Variants in SLC25A17 observed in about 807,000 individuals in gnomAD.
SLC25A17 encodes the protein solute carrier family 25 member 17, also known as peroxisomal membrane protein PMP34.
SLC25A17 carries 26 observed loss-of-function variants against 38.5 expected under a neutral mutation model. The observed-to-expected ratio is 0.68, with a 90% confidence interval of 0.50 to 0.94. The LOEUF is 0.94. Among genes scored for constraint, SLC25A17 ranks in the 40% least tolerant of loss-of-function variants. The pLI is 0.00. For missense variants in SLC25A17, 333 were observed against 372.7 expected (o/e 0.89, Z 0.88); for synonymous variants, 139 against 136.2 (o/e 1.02, Z -0.14).
At chr22:40,776,353 C>T in intron 7 of SLC25A17, 1 of 460,750 alleles carries the variant, frequency 2.2e-6, no homozygotes, top group Non-Finnish European at 4.5e-6. Flanking sequence ...TTCAAAAAAG[C>T]TAAATCATTC....
chr22:40,796,591 A>G (rs946272638), intron 2 of SLC25A17, among the ~76,000 whole-genome samples: 2 of 151,166 alleles, frequency 1.3e-5, no homozygotes, highest in Non-Finnish European at 2.9e-5. Context: ...CTGCACTCCA[A>G]CCTGGGTAAG....
chr22:40,817,581 A>G (rs892847221), intron 1 of SLC25A17, among the ~76,000 whole-genome samples: 1 of 152,090 alleles, frequency 6.6e-6, no homozygotes, highest in Non-Finnish European at 1.5e-5. Flanking sequence ...TGAAGCCAAA[A>G]ACTCTTGGAG....
In SLC25A17 at chr22:40,777,332, A is replaced by G. The variant is rs771085682; in HGVS notation, c.493T>C (p.Leu165=). 18 of 1,614,096 alleles carry G rather than the reference A, an allele frequency of 1.1e-5. 1 individual carries two copies. The South Asian group carries it at 2.0e-4, about 18-fold the overall frequency. The change falls in exon 6 of 9, where the codon TTA becomes CTA. Residue 165 remains leucine, a synonymous_variant. Coordinates refer to ENST00000435456, the MANE Select transcript of SLC25A17 (RefSeq NM_006358.4). ...AATGAGGGAAATGTGCCATTCCATAAAGCCGAGATTCCTTCATCGCGAATG... is the reference window on the plus strand; with the variant it reads ...AATGAGGGAAATGTGCCATTCCATAGAGCCGAGATTCCTTCATCGCGAATG... ...QIIRDEGISA[L]WNGTFPSLLL...
At chr22:40,778,442 T>C (rs781393875) in intron 5 of SLC25A17, among the ~76,000 whole-genome samples, 14 of 152,244 alleles carry the variant, frequency 9.2e-5, no homozygotes, top group African/African-American at 2.9e-4. Context: ...AGGAGAGCCA[T>C]GTGAACTGAG....
Position 40,819,187 on chromosome 22 carries a change from C to G in SLC25A17, c.54+8G>C, listed in dbSNP as rs2057671592. On this transcript the variant is annotated splice_region_variant and intron_variant, in intron 1 of 8. Coordinates refer to ENST00000435456, the MANE Select transcript of SLC25A17 (RefSeq NM_006358.4). The stretch of plus-strand genomic sequence containing the variant: ...CGTTGCGGCCCGGGCGTAAAGACCC[C>G]GTCTCACCACGGCTCCGGCCACGGC... The G allele has an allele frequency of 1.2e-6, 2 of 1,613,656 alleles. No individual in the cohort carries two copies. Among genetic ancestry groups the G allele is most frequent in the Non-Finnish European group, 1.7e-6 (2 of 1,179,990 alleles).
intron 1 of SLC25A17, among the ~76,000 whole-genome samples, chr22:40,807,093 T>C (rs562303569): frequency 1.3e-5 from 2 of 152,246 alleles, no homozygotes; most frequent in Admixed American, 6.5e-5. Flanking sequence ...TTCCTTTTTA[T>C]AGCTGAGTGT....
chr22:40,788,880 A>G (rs532871689), intron 4 of SLC25A17: 1 of 258,052 alleles, frequency 3.9e-6, no homozygotes, highest in Admixed American at 3.9e-5. Flanking sequence ...TTCCTCAAAA[A>G]TCACCTTGAA....
At chr22:40,808,411 C>T (rs963467936) in intron 1 of SLC25A17, among the ~76,000 whole-genome samples, 1 of 152,228 alleles carries the variant, frequency 6.6e-6, no homozygotes, top group Non-Finnish European at 1.5e-5. Context: ...GGCAAGGTTA[C>T]AACCAAGATC....
At chr22:40,790,378 T>C (rs916958640) in intron 4 of SLC25A17, among the ~76,000 whole-genome samples, 3 of 150,258 alleles carry the variant, frequency 2.0e-5, no homozygotes, top group Non-Finnish European at 4.4e-5. Context: ...AGAGTGAACT[T>C]TAAAGTTAAA....
In SLC25A17 at chr22:40,814,352, A is replaced by G. The variant is rs141242600; in HGVS notation, c.54+4843T>C. The stretch of plus-strand genomic sequence containing the variant: ...CACACTGCCATGATGAAACCAGGAT[A>G]CTTGTCTATATCACTCTCCCCGGAC... On this transcript the variant is annotated intron_variant, in intron 1 of 8. Transcript: ENST00000435456. 2.6e-3 allele frequency among the ~76,000 whole-genome samples: 391 copies of G among 152,318 alleles called. 6 individuals are homozygous for G. Among genetic ancestry groups the G allele is most frequent in the Middle Eastern group, 0.024 (7 of 294 alleles).
At chr22:40,790,917 C>T (rs1400866134) in intron 4 of SLC25A17, among the ~76,000 whole-genome samples, 1 of 152,104 alleles carries the variant, frequency 6.6e-6, no homozygotes, top group African/African-American at 2.4e-5. Flanking sequence ...ATGTAAAAAA[C>T]AAGTCTTTTT....
chr22:40,790,167 C>T (rs1437702105), intron 4 of SLC25A17, among the ~76,000 whole-genome samples: 2 of 151,392 alleles, frequency 1.3e-5, no homozygotes, highest in Non-Finnish European at 2.9e-5. Context: ...TGGTGAAACC[C>T]TATCTTTACT....
intron 1 of SLC25A17, among the ~76,000 whole-genome samples, chr22:40,801,206 T>C (rs986874651): frequency 6.9e-6 from 1 of 144,616 alleles, no homozygotes; most frequent in Non-Finnish European, 1.5e-5. Flanking sequence ...TCAACTTAAA[T>C]AAGAAAATTT....
rs559951198 is a variant in SLC25A17, at chr22:40,789,672, A to T, written c.334+2853T>A. Among the ~76,000 whole-genome samples the T allele has an allele frequency of 6.6e-6, 1 of 151,590 alleles. No homozygotes were observed. Among genetic ancestry groups the T allele is most frequent in the Admixed American group, 6.6e-5 (1 of 15,252 alleles). On this transcript the variant is annotated intron_variant, in intron 4 of 8. Transcript: ENST00000435456. The surrounding 1 kb of genome is among the most constrained non-coding windows in gnomAD (Gnocchi z 4.5). ...CAGGCACCTGCTACCACACCTGGCT[A>T]ATTTTTTGTATTTTCAGTAAAGGTG...
In SLC25A17 at chr22:40,776,714, T is replaced by C. The variant is rs76380194; in HGVS notation, c.693+326A>G. On this transcript the variant is annotated intron_variant, in intron 7 of 8. Coordinates refer to ENST00000435456, the MANE Select transcript of SLC25A17 (RefSeq NM_006358.4). ...GACTTTGAGACAAGCCTGGAAAACA[T>C]GGTGAGACCCCATCTTCACACAAAA... Among the ~76,000 whole-genome samples, 80 of 152,150 alleles carry C rather than the reference T, an allele frequency of 5.3e-4. No individual in the cohort carries two copies. The East Asian group carries it at 0.014, about 27-fold the overall frequency.
At chr22:40,804,481 T>A (rs2057512090) in intron 1 of SLC25A17, among the ~76,000 whole-genome samples, 1 of 152,202 alleles carries the variant, frequency 6.6e-6, no homozygotes, top group African/African-American at 2.4e-5. Flanking sequence ...TTTTTAAGTA[T>A]CTCTTGGCCA....
chr22:40,785,465 A>G (rs1185233953), intron 4 of SLC25A17, among the ~76,000 whole-genome samples: 1 of 152,214 alleles, frequency 6.6e-6, no homozygotes, highest in Non-Finnish European at 1.5e-5. Flanking sequence ...GAAAAACCTA[A>G]AAGGAGGCAA....
At chr22:40,815,834 C>A (rs1184645657) in intron 1 of SLC25A17, among the ~76,000 whole-genome samples, 1 of 152,056 alleles carries the variant, frequency 6.6e-6, no homozygotes, top group Non-Finnish European at 1.5e-5. Context: ...TTATACAATA[C>A]TATGTATGAC....
chr22:40,802,306 C>T (rs1321651422), intron 1 of SLC25A17, among the ~76,000 whole-genome samples: 2 of 152,050 alleles, frequency 1.3e-5, no homozygotes, highest in Non-Finnish European at 2.9e-5. Flanking sequence ...ACAGTCAGCC[C>T]AAACAGCTCA....
Sources: gnomAD v4.1 joint callset for allele counts (sites outside exome capture counted in the v4.1 genomes callset) on GRCh38, gnomAD v4.1.1 for gene constraint, Gnocchi (gnomAD v3.1) non-coding constraint, MANE v1.5 for transcripts, NCBI Gene and HGNC (gene_info 2026-07-23, HGNC 2026-07-21) for gene names.